Variants in CARF observed in about 807,000 individuals in gnomAD.
The protein encoded by CARF is calcium responsive transcription factor.
In CARF, 57 loss-of-function variants were observed where a neutral mutation model predicts 82.0. The observed-to-expected ratio is 0.70, with a 90% CI of 0.56 to 0.87. The LOEUF (loss-of-function observed/expected upper bound fraction) is 0.87, where lower values mean the gene tolerates loss of function less well. Among genes scored for constraint, CARF ranks in the 40% least tolerant of loss-of-function variants. The pLI, the probability that CARF is intolerant of heterozygous loss-of-function variation, is 0.00. For missense variants in CARF, 771 were observed against 855.8 expected, an observed-to-expected ratio of 0.90 and a Z score of 1.24; for synonymous variants, 268 against 290.1, an observed-to-expected ratio of 0.92 and a Z score of 0.77.
chr2:202,913,915 T>C (rs997975863), intron 1 of CARF, among the ~76,000 whole-genome samples: 1 of 152,222 alleles, frequency 6.6e-6, no homozygotes, highest in African/African-American at 2.4e-5. Context: ...AATATAAGAC[T>C]TTCAGTTTGC....
chr2:202,934,878 C>A (rs978571807), intron 3 of CARF, among the ~76,000 whole-genome samples: 1 of 151,666 alleles, frequency 6.6e-6, no homozygotes, highest in African/African-American at 2.4e-5. Flanking sequence ...GAGTTCGATA[C>A]CAGCCTGGCC....
chr2:202,913,667 G>A (rs1689079709), intron 1 of CARF, among the ~76,000 whole-genome samples: 1 of 152,168 alleles, frequency 6.6e-6, no homozygotes, highest in African/African-American at 2.4e-5. Context: ...TAAGTCTTGG[G>A]CATCTGAAGC....
At chr2:202,977,659 G>C (rs945534835) in intron 14 of CARF, among the ~76,000 whole-genome samples, 8 of 152,054 alleles carry the variant, frequency 5.3e-5, no homozygotes, top group African/African-American at 1.9e-4. Flanking sequence ...TTTTACGGTT[G>C]CTTTTTCTCA....
intron 3 of CARF, among the ~76,000 whole-genome samples, chr2:202,933,229 G>A (rs932412721): frequency 1.3e-5 from 2 of 152,252 alleles, no homozygotes; most frequent in African/African-American, 4.8e-5. Flanking sequence ...TGGGGATGTT[G>A]GGCCACTGGG....
At chr2:202,965,203 G>A (rs1305723864) in intron 9 of CARF, among the ~76,000 whole-genome samples, 1 of 151,964 alleles carries the variant, frequency 6.6e-6, no homozygotes, top group Non-Finnish European at 1.5e-5. Flanking sequence ...TGTAGTTTTT[G>A]TTCTTTATCT....
At chr2:202,939,290 A>T (rs575437445) in intron 3 of CARF, among the ~76,000 whole-genome samples, 20 of 152,326 alleles carry the variant, frequency 1.3e-4, no homozygotes, top group African/African-American at 4.8e-4. Flanking sequence ...AAAATGATAT[A>T]TATTTAGTAT....
At chr2:202,980,646 A>ATATATATG in intron 14 of CARF, among the ~76,000 whole-genome samples, 1 of 92,190 alleles carries the variant, frequency 1.1e-5, no homozygotes, top group East Asian at 5.1e-4. Context: ...ATATATATAT[A>ATATATATG]TATATATATA....
At position 202,982,374 on chromosome 2, in the gene CARF, T is replaced by C. The variant is rs1559289943; in HGVS notation, c.1992T>C (p.Val664=). The C allele has an allele frequency of 6.2e-7, 1 of 1,614,122 alleles. No homozygotes were observed. Among genetic ancestry groups the C allele is most frequent in the Admixed American group, 1.7e-5 (1 of 60,008 alleles). ...VEDTGNLEGT[V]HRILLGDVQT... is the part of the protein sequence containing the mutation. ...ATACAGGGAATCTGGAAGGAACTGT[T>C]CATCGGATTCTGTTGGGAGATGTGC... is the stretch of plus-strand genomic sequence containing the variant. The change falls in exon 16 of 17, where the codon GTT becomes GTC. Residue 664 remains valine (V), a synonymous_variant. Coordinates refer to ENST00000438828, the MANE Select transcript of CARF (RefSeq NM_024744.17).
intron 3 of CARF, chr2:202,925,367 TG>T: frequency 3.2e-6 from 1 of 316,202 alleles, no homozygotes; most frequent in South Asian, 3.1e-5. Flanking sequence ...GTCACATCCC[TG>T]GTCCTGTCCA....
chr2:202,968,474 A>G (rs775346402), intron 10 of CARF, among the ~76,000 whole-genome samples: 33 of 152,124 alleles, frequency 2.2e-4, no homozygotes, highest in Admixed American at 3.3e-4. Flanking sequence ...GGCTTTTCAT[A>G]TTTAATCCTG....
At chr2:202,919,340 CA>C (rs1690349155) in intron 2 of CARF, among the ~76,000 whole-genome samples, 1 of 151,916 alleles carries the variant, frequency 6.6e-6, no homozygotes, top group Non-Finnish European at 1.5e-5. Context: ...AGTGAGTGAG[CA>C]AAAGTAAATA....
At chr2:202,972,954 G>A (rs768777348) in intron 12 of CARF, among the ~76,000 whole-genome samples, 16 of 151,870 alleles carry the variant, frequency 1.1e-4, no homozygotes, top group Non-Finnish European at 1.8e-4. Flanking sequence ...AACTTTTTTT[G>A]TAAAAGAAGC....
intron 3 of CARF, among the ~76,000 whole-genome samples, chr2:202,927,032 T>C (rs977969705): frequency 6.6e-6 from 1 of 152,086 alleles, no homozygotes; most frequent in African/African-American, 2.4e-5. Flanking sequence ...CCGTGGCTGG[T>C]CTCGAACTCC....
At chr2:202,952,948 T>A (rs902623237) in intron 6 of CARF, among the ~76,000 whole-genome samples, 9 of 152,306 alleles carry the variant, frequency 5.9e-5, no homozygotes, top group African/African-American at 1.9e-4. Context: ...TAAATTATTA[T>A]TAATGATAAC....
At chr2:202,981,133 C>G (rs998912295) in intron 14 of CARF, among the ~76,000 whole-genome samples, 1 of 152,148 alleles carries the variant, frequency 6.6e-6, no homozygotes. Flanking sequence ...CATCAAGGAC[C>G]GGTTTTGTGG....
chr2:202,948,322 C>T (rs1158036549), intron 5 of CARF, among the ~76,000 whole-genome samples: 1 of 152,056 alleles, frequency 6.6e-6, no homozygotes, highest in Non-Finnish European at 1.5e-5. Context: ...CTTAGGATTG[C>T]CTTGGCTATT....
intron 9 of CARF, chr2:202,961,697 TA>T: frequency 8.7e-6 from 4 of 457,722 alleles, no homozygotes; most frequent in Non-Finnish European, 1.5e-5. Flanking sequence ...ACCTATTTAA[TA>T]AAATGTTAAA....
intron 1 of CARF, among the ~76,000 whole-genome samples, chr2:202,915,765 C>G (rs1034872817): frequency 6.6e-6 from 1 of 152,018 alleles, no homozygotes; most frequent in African/African-American, 2.4e-5. Flanking sequence ...CTGCACCTAG[C>G]CTGTTTTTTT....
chr2:202,945,775 T>G (rs1469761457), intron 5 of CARF, among the ~76,000 whole-genome samples: 2 of 152,224 alleles, frequency 1.3e-5, no homozygotes, highest in Non-Finnish European at 2.9e-5. Context: ...TGAACATTCA[T>G]GTGCATGTGT....
Sources: gnomAD v4.1 joint callset for allele counts (sites outside exome capture counted in the v4.1 genomes callset) on GRCh38, gnomAD v4.1.1 for gene constraint, MANE v1.5 for transcripts, NCBI Gene and HGNC (gene_info 2026-07-23, HGNC 2026-07-21) for gene names.